PRDM2: variants seen among roughly 807,000 people sequenced by gnomAD.
The protein encoded by PRDM2 is PR domain zinc finger protein 2.
PRDM2 carries 30 observed loss-of-function variants against 130.0 expected under a neutral mutation model. That is an observed-to-expected ratio of 0.23 (90% CI 0.17 to 0.31). PRDM2 has a LOEUF of 0.31. Ranked by LOEUF, PRDM2 falls within the 10% of genes least tolerant of loss-of-function variation. The probability of loss-of-function intolerance (pLI) is 1.00; values close to 1 mark genes in which losing one functional copy is unlikely to be tolerated. For missense variants in PRDM2, 2,011 were observed against 2,108.4 expected (o/e 0.95, Z 0.90); for synonymous variants, 871 against 782.4 (o/e 1.11, Z -1.89).
chr1:13,709,882 A>G (rs771085736), intron 1 of PRDM2, among the ~76,000 whole-genome samples: 3 of 152,194 alleles, frequency 2.0e-5, no homozygotes, highest in African/African-American at 7.2e-5. Flanking sequence ...AGTGACCTCT[A>G]TGTGTCTATT....
intron 3 of PRDM2, among the ~76,000 whole-genome samples, chr1:13,731,684 G>GT (rs1306478050): frequency 1.7e-4 from 26 of 152,118 alleles, no homozygotes; most frequent in African/African-American, 6.3e-4. Flanking sequence ...TGTGTGTTTG[G>GT]TTTTTATGTG....
At chr1:13,770,503 G>A (rs111957396) in intron 6 of PRDM2, among the ~76,000 whole-genome samples, 1 of 152,160 alleles carries the variant, frequency 6.6e-6, no homozygotes, top group African/African-American at 2.4e-5. Context: ...ACACTTGGGA[G>A]GTTGTAGAAA....
At chr1:13,786,623 A>G in intron 8 of PRDM2, 1 of 1,583,090 alleles carries the variant, frequency 6.3e-7, no homozygotes, top group Non-Finnish European at 8.5e-7. Flanking sequence ...AAATCTACCA[A>G]GCTTGCAAGA....
At chr1:13,748,276 T>G (rs1053620215) in intron 5 of PRDM2, among the ~76,000 whole-genome samples, 3 of 152,380 alleles carry the variant, frequency 2.0e-5, no homozygotes, top group Middle Eastern at 6.8e-3. Flanking sequence ...CCTCAAACTT[T>G]TACCTACTTT....
intron 9 of PRDM2, among the ~76,000 whole-genome samples, chr1:13,817,681 C>T (rs181244620): frequency 1.7e-4 from 26 of 151,902 alleles, no homozygotes; most frequent in African/African-American, 4.1e-4. Context: ...GACTATAGTA[C>T]GAATAGGGCC....
Position 13,779,601 on chromosome 1 carries a change from C to T in PRDM2, c.1806C>T (p.Leu602=). The T allele has an allele frequency of 6.2e-7, 1 of 1,614,004 alleles. No individual in the cohort carries two copies. Among genetic ancestry groups the T allele is most frequent in the Admixed American group, 1.7e-5 (1 of 60,022 alleles). The part of the protein sequence containing the change: ...SADLYGINCL[L]TPVTVEITQN... ...ATTTGTATGGTATAAATTGTCTGCT[C>T]ACTCCAGTTACAGTGGAAATTACTC... Residue 602 remains leucine (L), a synonymous_variant, in exon 8 of 10, where the codon CTC becomes CTT. Transcript: ENST00000311066. This position sits in a 1 kb window ranked among gnomAD's most constrained non-coding sequence, Gnocchi z 4.9.
chr1:13,725,631 A>C (rs1322737724), intron 2 of PRDM2, among the ~76,000 whole-genome samples: 1 of 152,254 alleles, frequency 6.6e-6, no homozygotes, highest in Non-Finnish European at 1.5e-5. Context: ...CTTATTCATA[A>C]ATCAGAAAAA....
intron 2 of PRDM2, among the ~76,000 whole-genome samples, chr1:13,727,115 A>G (rs900658156): frequency 6.6e-6 from 1 of 152,046 alleles, no homozygotes; most frequent in African/African-American, 2.4e-5. Context: ...TTTTGCCTGG[A>G]TACTGCGTTT....
At chr1:13,795,266 AG>A (rs1644905646) in intron 8 of PRDM2, among the ~76,000 whole-genome samples, 1 of 152,214 alleles carries the variant, frequency 6.6e-6, no homozygotes. Flanking sequence ...ATGTAAATAA[AG>A]GGCTTTCCAT....
At chr1:13,750,937 A>G (rs79351664) in intron 6 of PRDM2, among the ~76,000 whole-genome samples, 2 of 152,222 alleles carry the variant, frequency 1.3e-5, no homozygotes, top group East Asian at 3.9e-4. Context: ...CGGGTAAGTT[A>G]TTTGTAGGGG....
chr1:13,813,483 A>G (rs1393062640), intron 8 of PRDM2, among the ~76,000 whole-genome samples: 1 of 152,156 alleles, frequency 6.6e-6, no homozygotes, highest in African/African-American at 2.4e-5. Context: ...TTTCTTCAAA[A>G]TGGTGGCCTA....
At chr1:13,805,562 C>T (rs562482955) in intron 8 of PRDM2, among the ~76,000 whole-genome samples, 3 of 152,280 alleles carry the variant, frequency 2.0e-5, no homozygotes, top group African/African-American at 4.8e-5. Flanking sequence ...CACCCAGCCC[C>T]CAGGGAATAT....
intron 5 of PRDM2, among the ~76,000 whole-genome samples, chr1:13,745,796 G>C (rs1643585844): frequency 1.3e-5 from 2 of 152,174 alleles, no homozygotes; most frequent in African/African-American, 4.8e-5. Flanking sequence ...AGGAATCTTA[G>C]GAGATGAGGC....
At chr1:13,807,162 A>G (rs1175769110) in intron 8 of PRDM2, among the ~76,000 whole-genome samples, 1 of 152,216 alleles carries the variant, frequency 6.6e-6, no homozygotes, top group Non-Finnish European at 1.5e-5. Flanking sequence ...TCGTACGGGC[A>G]TCAAACTCCT....
chr1:13,701,206 T>G (rs571258286), intron 1 of PRDM2, among the ~76,000 whole-genome samples: 2 of 152,208 alleles, frequency 1.3e-5, no homozygotes, highest in Admixed American at 1.3e-4. Flanking sequence ...ATTGAGATTT[T>G]GGGTGTATTT....
chr1:13,724,631 A>G lies in PRDM2; in HGVS notation c.10-6369A>G, dbSNP rs1011156235. Among the ~76,000 whole-genome samples the G allele has an allele frequency of 3.3e-5, 5 of 151,936 alleles. No homozygotes were observed. The East Asian group carries it at 9.7e-4, about 30-fold the overall frequency. On this transcript the variant is annotated intron_variant, in intron 2 of 9. Transcript: ENST00000311066. ...TGCCTCAGCCTCCCGAGTAGCTGAG[A>G]CTACAGGCAGGCACCACCATACTCA...
chr1:13,772,907 ATCAT>A (rs1359394519), intron 6 of PRDM2, among the ~76,000 whole-genome samples, 167 bp from the exon 7 acceptor site: 3 of 152,184 alleles, frequency 2.0e-5, no homozygotes, highest in African/African-American at 7.2e-5. Flanking sequence ...ATTTACAGTC[ATCAT>A]TCATTCCTTT....
chr1:13,789,915 A>G (rs992808632), intron 8 of PRDM2, among the ~76,000 whole-genome samples: 1 of 151,972 alleles, frequency 6.6e-6, no homozygotes, highest in Non-Finnish European at 1.5e-5. Flanking sequence ...TGATGGCACC[A>G]CTCCTGCAGC....
intron 8 of PRDM2, among the ~76,000 whole-genome samples, chr1:13,796,639 C>G (rs1644927332): frequency 6.6e-6 from 1 of 152,128 alleles, no homozygotes; most frequent in African/African-American, 2.4e-5. Flanking sequence ...GTAGTCCCAG[C>G]TACTCAGGAG....
Sources: allele counts gnomAD v4.1 joint callset (sites outside exome capture counted in the v4.1 genomes callset), GRCh38; gene constraint gnomAD v4.1.1; non-coding constraint Gnocchi (gnomAD v3.1); transcripts MANE v1.5; gene names NCBI Gene and HGNC (gene_info 2026-07-23, HGNC 2026-07-21).